The following RGS5 variants were observed in gnomAD, a reference collection of about 807,000 sequenced individuals.
The protein encoded by RGS5 is regulator of G-protein signalling 5.
RGS5 carries 20 observed loss-of-function variants against 18.9 expected under a neutral mutation model. That is an observed-to-expected ratio of 1.06 (90% CI 0.74 to 1.54). The LOEUF is 1.54. RGS5 is among the 40% of genes most tolerant of loss of function. The pLI, the probability that RGS5 is intolerant of heterozygous loss-of-function variation, is 0.00. For synonymous variants in RGS5, 57 were observed against 76.2 expected, an observed-to-expected ratio of 0.75 and a Z score of 1.31; for missense variants, 201 against 211.8, an observed-to-expected ratio of 0.95 and a Z score of 0.32.
At chr1:163,278,280 T>C (rs1648907021) in intron 2 of RGS5, among the ~76,000 whole-genome samples, 1 of 151,974 alleles carries the variant, frequency 6.6e-6, no homozygotes, top group South Asian at 2.1e-4. Context: ...AAGTTACATA[T>C]AAGGGGATCT....
chr1:163,293,382 A>T (rs2101727070), intron 2 of RGS5, among the ~76,000 whole-genome samples: 1 of 152,306 alleles, frequency 6.6e-6, no homozygotes, highest in East Asian at 1.9e-4. Context: ...GGCAGGAGAA[A>T]GAGCGAGGGG....
intron 2 of RGS5, among the ~76,000 whole-genome samples, chr1:163,229,553 T>A (rs2101683500): frequency 6.6e-6 from 1 of 152,330 alleles, no homozygotes; most frequent in African/African-American, 2.4e-5. Context: ...CTAGGTCCAA[T>A]GACTGCTACC....
intron 1 of RGS5, among the ~76,000 whole-genome samples, chr1:163,186,578 C>CAAAA (rs34092786): frequency 5.2e-5 from 5 of 95,928 alleles, no homozygotes; most frequent in African/African-American, 1.2e-4. Context: ...GACTCTGTCT[C>CAAAA]AAAAAAAAAA....
intron 1 of RGS5, among the ~76,000 whole-genome samples, chr1:163,314,382 T>C (rs1018610857): frequency 2.0e-5 from 3 of 152,070 alleles, no homozygotes; most frequent in Non-Finnish European, 2.9e-5. Context: ...TAGACCCCTT[T>C]TTGAGAAAAC....
At chr1:163,199,833 C>T (rs1237018127) in intron 1 of RGS5, among the ~76,000 whole-genome samples, 2 of 151,874 alleles carry the variant, frequency 1.3e-5, no homozygotes, top group African/African-American at 4.8e-5. Flanking sequence ...TAGAGACAGG[C>T]TCTTGCTCTG....
intron 2 of RGS5, among the ~76,000 whole-genome samples, chr1:163,256,570 T>C (rs11583854): frequency 0.097 from 14,728 of 152,256 alleles, 984 homozygotes; most frequent in South Asian, 0.2. Context: ...TTATAATTAA[T>C]TGCAACAGCA....
intron 2 of RGS5, among the ~76,000 whole-genome samples, chr1:163,236,109 G>A (rs1287363263): frequency 1.3e-5 from 2 of 152,120 alleles, no homozygotes; most frequent in East Asian, 3.9e-4. Context: ...AGCATAATTG[G>A]GGCCCTTCAT....
intron 2 of RGS5, among the ~76,000 whole-genome samples, chr1:163,282,009 A>C (rs181136502): frequency 3.3e-5 from 5 of 152,138 alleles, no homozygotes; most frequent in Middle Eastern, 3.4e-3. Context: ...GTTGTAGGCA[A>C]AGATATTATG....
intron 4 of RGS5, among the ~76,000 whole-genome samples, chr1:163,151,221 C>T (rs1433743166): frequency 6.6e-6 from 1 of 152,140 alleles, no homozygotes; most frequent in Non-Finnish European, 1.5e-5. Flanking sequence ...TATTGGCTTT[C>T]AACATCTCTA....
chr1:163,228,940 C>A (rs1483260493), intron 2 of RGS5, among the ~76,000 whole-genome samples: 1 of 152,210 alleles, frequency 6.6e-6, no homozygotes, highest in Non-Finnish European at 1.5e-5. Flanking sequence ...GTCCACATCA[C>A]TATCAGCATT....
intron 2 of RGS5, among the ~76,000 whole-genome samples, chr1:163,246,729 A>G (rs1264391319): frequency 2.0e-5 from 3 of 152,244 alleles, no homozygotes; most frequent in Non-Finnish European, 4.4e-5. Flanking sequence ...TGATGAGTCT[A>G]GATTTACCTG....
chr1:163,194,621 C>T (rs892506025), intron 1 of RGS5, among the ~76,000 whole-genome samples: 1 of 151,952 alleles, frequency 6.6e-6, no homozygotes, highest in Non-Finnish European at 1.5e-5. Context: ...GTTATATAGC[C>T]TCTTATACTT....
chr1:163,248,865 G>A (rs890730440), intron 2 of RGS5, among the ~76,000 whole-genome samples: 3 of 152,124 alleles, frequency 2.0e-5, no homozygotes, highest in Admixed American at 1.3e-4. Context: ...GCACCAATGG[G>A]TGGGAACATT....
chr1:163,169,295 C>T (rs1246183814), intron 1 of RGS5, among the ~76,000 whole-genome samples: 3 of 152,034 alleles, frequency 2.0e-5, no homozygotes, highest in Non-Finnish European at 2.9e-5. Flanking sequence ...CAAGTCTTTG[C>T]TATTGTGAAT....
chr1:163,152,028 GA>G (rs1190172946), intron 4 of RGS5, among the ~76,000 whole-genome samples: 1 of 152,066 alleles, frequency 6.6e-6, no homozygotes, highest in Non-Finnish European at 1.5e-5. Context: ...TTTTGGGCAT[GA>G]AAAAAGTTTT....
At chr1:163,161,133 A>AAG (rs1405625757) in intron 3 of RGS5, among the ~76,000 whole-genome samples, 1 of 152,172 alleles carries the variant, frequency 6.6e-6, no homozygotes, top group Non-Finnish European at 1.5e-5. Context: ...GGAGAATTTC[A>AAG]AGAGAGAGAG....
chr1:163,183,806 A>G (rs1264085246), intron 1 of RGS5, among the ~76,000 whole-genome samples: 4 of 152,180 alleles, frequency 2.6e-5, no homozygotes, highest in Non-Finnish European at 5.9e-5. Context: ...ATGCCAGAGA[A>G]GGAAATGGTA....
chr1:163,174,714 G>T, intron 1 of RGS5, among the ~76,000 whole-genome samples: 1 of 152,266 alleles, frequency 6.6e-6, no homozygotes, highest in East Asian at 1.9e-4. Flanking sequence ...AATCTGAAAA[G>T]AATCAATTAT....
At chr1:163,239,920 G>T (rs1459198363) in intron 2 of RGS5, among the ~76,000 whole-genome samples, 1 of 152,152 alleles carries the variant, frequency 6.6e-6, no homozygotes, top group Non-Finnish European at 1.5e-5. Context: ...TTTCAATTGA[G>T]ATAACTGGAT....
Sources: gnomAD v4.1 joint callset for allele counts (sites outside exome capture counted in the v4.1 genomes callset) on GRCh38, gnomAD v4.1.1 for gene constraint, MANE v1.5 for transcripts, NCBI Gene and HGNC (gene_info 2026-07-23, HGNC 2026-07-21) for gene names.